PER3: variants seen among roughly 807,000 people sequenced by gnomAD.
The protein encoded by PER3 is period circadian protein homolog 3.
In PER3, 107 loss-of-function variants were observed where a neutral mutation model predicts 127.2. The ratio of observed to expected loss-of-function variants is 0.84; its 90% CI spans 0.72 to 0.99. The LOEUF is 0.99. Among genes scored for constraint, PER3 ranks in the 50% least tolerant of loss-of-function variants. The pLI, the probability that PER3 is intolerant of heterozygous loss-of-function variation, is 0.00. For missense variants in PER3, 1,560 were observed against 1,525.8 expected (o/e 1.02, Z -0.37); for synonymous variants, 618 against 585.8 (o/e 1.05, Z -0.79).
chr1:7,843,987 G>GT lies in PER3; in HGVS notation c.*1234dup. ...AAAAAACAAATAGAAGAAAATGAGG[G>GT]TTACAGTAACCTGTTGTCTTTATAT... On this transcript the variant is annotated 3_prime_UTR_variant, in exon 22 of 22. Transcript: ENST00000377532. 1 of 1,250,946 alleles carries GT rather than the reference G, an allele frequency of 8.0e-7. No homozygotes were observed. Among genetic ancestry groups the GT allele is most frequent in the African/African-American group, 1.6e-5 (1 of 63,278 alleles). 77.5% of individuals were successfully genotyped at this position (1,250,946 alleles called of 1,614,324 possible).
intron 16 of PER3, among the ~76,000 whole-genome samples, chr1:7,823,847 A>G (rs777657688): frequency 3.3e-5 from 5 of 152,164 alleles, no homozygotes; most frequent in East Asian, 3.9e-4. Context: ...ATAATCCACA[A>G]CCTTTTCAAG....
At chr1:7,825,817 GGA>G (rs2097298698) in intron 16 of PER3, among the ~76,000 whole-genome samples, 1 of 151,442 alleles carries the variant, frequency 6.6e-6, no homozygotes, top group Non-Finnish European at 1.5e-5. Flanking sequence ...CTTGAACTCA[GGA>G]AGCAGAGGTT....
chr1:7,796,319 C>CTTTTTTTTTTTTTT lies in PER3; in HGVS notation c.645-2202_645-2189dup, dbSNP rs71567315. 8.2e-5 allele frequency among the ~76,000 whole-genome samples: 9 copies of CTTTTTTTTTTTTTT among 109,818 alleles called. 2 individuals are homozygous for CTTTTTTTTTTTTTT. The highest frequency in any genetic ancestry group is 5.4e-5 in the Non-Finnish European group (3 of 55,466). 72.0% of individuals were successfully genotyped at this position (109,818 alleles called of 152,430 possible). The stretch of plus-strand genomic sequence containing the variant: ...GGTAGGAAACGTTCATTTCAGTTTC[C>CTTTTTTTTTTTTTT]TTTTTTTTTTTTTTTTTGAGACAGG... On this transcript the variant is annotated intron_variant, in intron 6 of 21. Transcript: ENST00000377532.
At chr1:7,786,230 G>T (rs1414400396) in intron 3 of PER3, among the ~76,000 whole-genome samples, 1 of 152,194 alleles carries the variant, frequency 6.6e-6, no homozygotes, top group Non-Finnish European at 1.5e-5. Context: ...ACTCCCGCCT[G>T]GGTGACAGAG....
rs1007199585 is a variant in PER3, at chr1:7,844,310, G to C, written c.*1555G>C. The C allele has an allele frequency of 6.3e-6, 1 of 157,656 alleles. No individual in the cohort carries two copies. The highest frequency in any genetic ancestry group is 2.4e-5 in the African/African-American group (1 of 41,414). 9.8% of individuals were successfully genotyped at this position (157,656 alleles called of 1,614,324 possible). A position where few individuals can be genotyped will look rare whatever the true frequency, so the allele number is the denominator to read the frequency against. On this transcript the variant is annotated 3_prime_UTR_variant, in exon 22 of 22. Transcript: ENST00000377532. ...ATTAAGCAGTTCCATGCAAATATTC[G>C]TGTTTTATAAATAGCTCTCATAGTC...
chr1:7,794,329 C>G (rs1426293239), intron 6 of PER3, among the ~76,000 whole-genome samples: 1 of 152,012 alleles, frequency 6.6e-6, no homozygotes, highest in African/African-American at 2.4e-5. Flanking sequence ...GGCGTTTCTA[C>G]TAAAAATACA....
chr1:7,821,129 T>C (rs1309212915), intron 16 of PER3, among the ~76,000 whole-genome samples: 2 of 152,254 alleles, frequency 1.3e-5, no homozygotes, highest in Non-Finnish European at 2.9e-5. Context: ...AATTTCTTGG[T>C]AAATTATTCT....
At chr1:7,799,896 G>T (rs1309220776) in intron 7 of PER3, among the ~76,000 whole-genome samples, 2 of 151,916 alleles carry the variant, frequency 1.3e-5, no homozygotes, top group African/African-American at 4.8e-5. Flanking sequence ...AGCCTCCAGG[G>T]TAGTTAGGAC....
intron 11 of PER3, among the ~76,000 whole-genome samples, chr1:7,809,494 T>C (rs1044805560): frequency 2.0e-5 from 3 of 151,870 alleles, no homozygotes; most frequent in Admixed American, 2.0e-4. Flanking sequence ...GTTTTCAGAA[T>C]GTCTCCCATA....
At chr1:7,785,703 T>TAA in intron 3 of PER3, 117 bp downstream of exon 3, 2 of 784,766 alleles carry the variant, frequency 2.5e-6, no homozygotes, top group Non-Finnish European at 4.2e-6. Flanking sequence ...TTCTGGTGCT[T>TAA]TGTGGAAGAT....
At chr1:7,803,246 C>T in intron 9 of PER3, 93 bp downstream of exon 9, 1 of 795,232 alleles carries the variant, frequency 1.3e-6, no homozygotes, top group South Asian at 1.4e-5. Context: ...AACCTTTAAC[C>T]AGAGAGGCAT....
At chr1:7,819,997 T>G in intron 14 of PER3, 118 bp from the exon 15 acceptor site, 1 of 1,007,670 alleles carries the variant, frequency 9.9e-7, no homozygotes, top group African/African-American at 1.6e-5. Flanking sequence ...GGGAAGACTT[T>G]ATCAAAGAAG....
At chr1:7,818,775 T>C (rs2097262869) in intron 13 of PER3, among the ~76,000 whole-genome samples, 2 of 152,266 alleles carry the variant, frequency 1.3e-5, no homozygotes, top group Non-Finnish European at 2.9e-5. Flanking sequence ...ATAGTTACGT[T>C]AGCACATATA....
intron 21 of PER3, among the ~76,000 whole-genome samples, chr1:7,841,942 C>A (rs1044364783): frequency 1.3e-5 from 2 of 152,120 alleles, no homozygotes; most frequent in Non-Finnish European, 2.9e-5. Flanking sequence ...TCATACAAAC[C>A]TCAGTGGAGT....
intron 3 of PER3, among the ~76,000 whole-genome samples, chr1:7,786,117 G>A (rs941985161): frequency 3.3e-5 from 5 of 152,174 alleles, no homozygotes; most frequent in Non-Finnish European, 7.3e-5. Flanking sequence ...TTAGCCGGGT[G>A]TGGTGGCGGG....
At position 7,795,322 on chromosome 1, in the gene PER3, G is replaced by A. The variant is rs117562183; in HGVS notation, c.644+1314G>A. ...TCTTGCCTCACGTACCTTAAATTCT[G>A]TGAGGAGGAGACCAATAATAAACAC... is the stretch of plus-strand genomic sequence containing the variant. On this transcript the variant is annotated intron_variant, in intron 6 of 21. Coordinates refer to ENST00000377532, the MANE Select transcript of PER3 (RefSeq NM_001377275.1). Among the ~76,000 whole-genome samples, 470 of 152,348 alleles carry A rather than the reference G, an allele frequency of 3.1e-3. 16 individuals carry two copies. In the East Asian group the frequency reaches 0.076, roughly 25 times the overall value.
chr1:7,798,725 GA>G lies in PER3; in HGVS notation c.793+55del, dbSNP rs776923519. ...TGTCAGCAATCAGATAGGAACATGG[GA>G]AAGTCTGTTTACGTCAGTCATAGAA... On this transcript the variant is annotated intron_variant, in intron 7 of 21. Coordinates refer to ENST00000377532, the MANE Select transcript of PER3 (RefSeq NM_001377275.1). 7.1e-5 allele frequency: 105 copies of G among 1,488,616 alleles called. No homozygotes were observed. The South Asian group carries it at 1.2e-3, about 17-fold the overall frequency. 92.2% of individuals were successfully genotyped at this position (1,488,616 alleles called of 1,614,324 possible). A position where few individuals can be genotyped will look rare whatever the true frequency, so the allele number is the denominator to read the frequency against.
Position 7,788,235 on chromosome 1 carries a change from G to A in PER3, c.581G>A (p.Trp194Ter), listed in dbSNP as rs1481733292. Residue 194 changes from tryptophan (W) to a stop codon, truncating the protein, a stop_gained, in exon 5 of 22, where the codon TGG becomes TAG. Transcript: ENST00000377532. LOFTEE classifies it high-confidence loss of function. Reference protein sequence around the residue: ...ARAQLPFWNNWTQRAAARYEC... With the variant: ...ARAQLPFWNN ...GCTCAGCTTCCTTTCTGGAACAACT[G>A]GACCCAAAGAGGTAACAGGACCAAT... 1.2e-6 allele frequency: 2 copies of A among 1,612,486 alleles called. No individual in the cohort carries two copies. Among genetic ancestry groups the A allele is most frequent in the East Asian group, 2.2e-5 (1 of 44,872 alleles).
intron 20 of PER3, 137 bp downstream of exon 20, chr1:7,836,082 C>T (rs2097356965): frequency 3.4e-6 from 2 of 586,004 alleles, no homozygotes; most frequent in South Asian, 2.1e-5. Flanking sequence ...ACTGCAACCT[C>T]CATCTCCTGG....
Sources: allele counts gnomAD v4.1 joint callset (sites outside exome capture counted in the v4.1 genomes callset), GRCh38; gene constraint gnomAD v4.1.1; transcripts MANE v1.5; gene names NCBI Gene and HGNC (gene_info 2026-07-23, HGNC 2026-07-21).